The following CNTN4 variants were observed in gnomAD, a reference collection of about 807,000 sequenced individuals.
The protein encoded by CNTN4 is contactin-4.
In CNTN4, 77 loss-of-function variants were observed where a neutral mutation model predicts 122.5. The observed-to-expected ratio is 0.63, with a 90% CI of 0.52 to 0.76. The LOEUF (loss-of-function observed/expected upper bound fraction) is 0.76, where lower values mean the gene tolerates loss of function less well. CNTN4 is among the 30% of genes least tolerant of loss of function. The pLI is 0.00. For missense variants in CNTN4, 1,256 were observed against 1,259.1 expected (o/e 1.00, Z 0.04); for synonymous variants, 512 against 447.0 (o/e 1.15, Z -1.83).
intron 6 of CNTN4, among the ~76,000 whole-genome samples, chr3:2,785,871 C>T (rs4684354): frequency 0.99 from 133,513 of 134,838 alleles, 66,123 homozygotes; most frequent in East Asian, 1. Context: ...TGTTGCCTTT[C>T]CCAGAACCAC....
chr3:2,548,274 C>T (rs1045036350), intron 3 of CNTN4, among the ~76,000 whole-genome samples: 1 of 152,066 alleles, frequency 6.6e-6, no homozygotes, highest in Admixed American at 6.6e-5. Context: ...AATGGTATTG[C>T]CTAGGTTTTC....
rs1012537221 is a variant in CNTN4 at position 2,755,175 on chromosome 3, A to G, written c.358+9478A>G. On this transcript the variant is annotated intron_variant, in intron 6 of 24. Transcript: ENST00000418658. ...ATAACTAGCTTATCCTTCATAGCCA[A>G]TGAGTAAAATGTGCAGTCGATCAGA... Among the ~76,000 whole-genome samples, 98 of 152,306 alleles carry G rather than the reference A, an allele frequency of 6.4e-4. 2 individuals carry two copies. The highest frequency in any genetic ancestry group is 5.9e-5 in the Non-Finnish European group (4 of 68,010).
At chr3:2,566,996 A>G (rs745431420) in intron 3 of CNTN4, among the ~76,000 whole-genome samples, 1 of 152,200 alleles carries the variant, frequency 6.6e-6, no homozygotes, top group Non-Finnish European at 1.5e-5. Flanking sequence ...GCAGATCTTC[A>G]TACAGGAAAA....
At chr3:3,037,009 T>C (rs1047342647) in intron 17 of CNTN4, among the ~76,000 whole-genome samples, 170 bp from the exon 18 acceptor site, 2 of 152,200 alleles carry the variant, frequency 1.3e-5, no homozygotes, top group Non-Finnish European at 2.9e-5. Flanking sequence ...GAGATAGTTC[T>C]GAGATTACCT....
intron 3 of CNTN4, among the ~76,000 whole-genome samples, chr3:2,407,300 C>CAA (rs1176060694): frequency 6.6e-6 from 1 of 152,140 alleles, no homozygotes; most frequent in African/African-American, 2.4e-5. Flanking sequence ...AATCAGTTGT[C>CAA]AAATACCTTC....
At chr3:2,571,380 C>T (rs1005871113) in intron 3 of CNTN4, 36 bp from the exon 4 acceptor site, 2 of 751,650 alleles carry the variant, frequency 2.7e-6, no homozygotes, top group African/African-American at 3.5e-5. Context: ...GAGAAATATT[C>T]CCAAATCTCA....
intron 4 of CNTN4, among the ~76,000 whole-genome samples, chr3:2,607,610 C>CACACACACACACACACACA (rs10530695): frequency 8.2e-5 from 12 of 145,476 alleles, no homozygotes; most frequent in South Asian, 2.3e-4. Context: ...ACATATGCAT[C>CACACACACACACACACACA]CACACACACA....
intron 2 of CNTN4, among the ~76,000 whole-genome samples, chr3:2,229,348 G>A (rs1468398544): frequency 1.3e-5 from 2 of 152,108 alleles, no homozygotes; most frequent in African/African-American, 4.8e-5. Flanking sequence ...TGGTAGCAGA[G>A]GGAACCACTG....
chr3:2,720,569 T>C (rs369454350), intron 4 of CNTN4, among the ~76,000 whole-genome samples: 4 of 152,164 alleles, frequency 2.6e-5, no homozygotes, highest in African/African-American at 7.2e-5. Context: ...TTTGTGTCCA[T>C]GGTGATTTAT....
chr3:2,887,220 C>T lies in CNTN4; in HGVS notation c.936C>T (p.Phe312=). 1 of 1,612,326 alleles carries T rather than the reference C, an allele frequency of 6.2e-7. No homozygotes were observed. The highest frequency in any genetic ancestry group is 8.5e-7 in the Non-Finnish European group (1 of 1,179,644). The change falls in exon 10 of 25, where the codon TTC becomes TTT. Residue 312 remains phenylalanine, a synonymous_variant. Transcript: ENST00000418658. The part of the protein sequence containing the change: ...GKNVARGQLT[F]YAQPNWIQKI... ...ATGTAGCAAGGGGACAGCTAACTTT[C>T]TATGGTAAGTGTATGATTTCAGTTT...
At chr3:2,305,014 G>C (rs948217751) in intron 2 of CNTN4, among the ~76,000 whole-genome samples, 1 of 151,924 alleles carries the variant, frequency 6.6e-6, no homozygotes, top group Non-Finnish European at 1.5e-5. Context: ...GTGTTAAAAA[G>C]TGATTTTTCA....
intron 13 of CNTN4, among the ~76,000 whole-genome samples, chr3:2,981,915 A>G (rs9828115): frequency 0.11 from 17,257 of 151,890 alleles, 2,109 homozygotes; most frequent in African/African-American, 0.3. Flanking sequence ...ACGTGGGGGT[A>G]CATGCCTAGC....
At chr3:2,990,567 A>G (rs1002246025) in intron 14 of CNTN4, among the ~76,000 whole-genome samples, 1 of 152,132 alleles carries the variant, frequency 6.6e-6, no homozygotes, top group Non-Finnish European at 1.5e-5. Context: ...CAGAAAGGAG[A>G]GGCCTCTATT....
At chr3:2,774,552 CCTGTG>C (rs2091238451) in intron 6 of CNTN4, among the ~76,000 whole-genome samples, 1 of 152,152 alleles carries the variant, frequency 6.6e-6, no homozygotes, top group Non-Finnish European at 1.5e-5. Context: ...TCCATTAGCT[CCTGTG>C]AACTTTAGAA....
chr3:3,017,793 A>G (rs1466241564), intron 14 of CNTN4, among the ~76,000 whole-genome samples: 1 of 152,220 alleles, frequency 6.6e-6, no homozygotes, highest in African/African-American at 2.4e-5. Flanking sequence ...TGAACTCCCA[A>G]ACCAAAATTA....
chr3:2,860,230 A>G (rs950325047), intron 7 of CNTN4, among the ~76,000 whole-genome samples: 1 of 152,346 alleles, frequency 6.6e-6, no homozygotes, highest in African/African-American at 2.4e-5. Flanking sequence ...CTTTCACTTT[A>G]TGTGCCAACA....
At chr3:2,259,603 A>G (rs552980689) in intron 2 of CNTN4, among the ~76,000 whole-genome samples, 1 of 152,330 alleles carries the variant, frequency 6.6e-6, no homozygotes, top group East Asian at 1.9e-4. Flanking sequence ...GGCTGCAGGC[A>G]AGAGAGAATG....
chr3:2,760,190 A>G (rs766178407), intron 6 of CNTN4, among the ~76,000 whole-genome samples: 2 of 152,108 alleles, frequency 1.3e-5, no homozygotes, highest in East Asian at 1.9e-4. Flanking sequence ...GGTAAAATCT[A>G]ATTTATTTTT....
Position 2,418,800 on chromosome 3 carries a change from T to C in CNTN4, c.-89+79567T>C, listed in dbSNP as rs565267966. 3.3e-5 allele frequency among the ~76,000 whole-genome samples: 5 copies of C among 152,336 alleles called. No homozygotes were observed. The South Asian group carries it at 1.0e-3, about 32-fold the overall frequency. On this transcript the variant is annotated intron_variant, in intron 3 of 24. Coordinates refer to ENST00000418658, the MANE Select transcript of CNTN4 (RefSeq NM_175607.3). ...TGAAAGTAATCAGTAACATTTTAAA[T>C]CCATGTTGGCTTGCATTGTGAAAGA...
Sources: allele counts gnomAD v4.1 joint callset (sites outside exome capture counted in the v4.1 genomes callset), GRCh38; gene constraint gnomAD v4.1.1; transcripts MANE v1.5; gene names NCBI Gene and HGNC (gene_info 2026-07-23, HGNC 2026-07-21).